The following ERBB4 variants were observed in gnomAD, a reference collection of about 807,000 sequenced individuals.
ERBB4 encodes the protein erb-b2 receptor tyrosine kinase 4, also known as receptor tyrosine-protein kinase erbB-4.
Under a neutral mutation model 158.0 loss-of-function variants are expected in ERBB4, and 42 were observed. That is an observed-to-expected ratio of 0.27 (90% CI 0.21 to 0.34). The LOEUF (loss-of-function observed/expected upper bound fraction) is 0.34, where lower values mean the gene tolerates loss of function less well. Among genes scored for constraint, ERBB4 ranks in the 10% least tolerant of loss-of-function variants. ERBB4 has a pLI of 1.00. For missense variants in ERBB4, 1,333 were observed against 1,624.1 expected (o/e 0.82, Z 3.08); for synonymous variants, 583 against 558.7 (o/e 1.04, Z -0.61).
rs73075174 is a variant in ERBB4 at position 211,557,490 on chromosome 2, G to A, written c.2487+4413C>T. Among the ~76,000 whole-genome samples the A allele has an allele frequency of 6.1e-3, 922 of 152,146 alleles. 6 individuals carry two copies. Among genetic ancestry groups the A allele is most frequent in the African/African-American group, 0.021 (860 of 41,502 alleles). ...ACACTTTTCAAAAGAAGTCGTACAC[G>A]CAACCAGCAAGCATATGAAAAAAAG... On this transcript the variant is annotated intron_variant, in intron 20 of 27. Coordinates refer to ENST00000342788, the MANE Select transcript of ERBB4 (RefSeq NM_005235.3).
intron 1 of ERBB4, among the ~76,000 whole-genome samples, chr2:212,494,440 T>A (rs1027545995): frequency 6.6e-6 from 1 of 152,020 alleles, no homozygotes; most frequent in Non-Finnish European, 1.5e-5. Flanking sequence ...TGAATACATT[T>A]TTTTTCTTAC....
chr2:211,438,935 G>A (rs1035783547), intron 20 of ERBB4, among the ~76,000 whole-genome samples: 1 of 151,702 alleles, frequency 6.6e-6, no homozygotes, highest in Non-Finnish European at 1.5e-5. Flanking sequence ...AAAAATTATT[G>A]TTTGCTATTT....
intron 1 of ERBB4, among the ~76,000 whole-genome samples, chr2:212,223,356 G>C (rs193106568): frequency 6.9e-6 from 1 of 145,532 alleles, no homozygotes; most frequent in Non-Finnish European, 1.5e-5. Context: ...ATATAAAATT[G>C]TCTTTTCAGC....
At chr2:211,424,902 C>A (rs1395805474) in intron 22 of ERBB4, among the ~76,000 whole-genome samples, 1 of 152,032 alleles carries the variant, frequency 6.6e-6, no homozygotes, top group African/African-American at 2.4e-5. Context: ...GTGAAGTAGT[C>A]ACCAACAAAA....
At chr2:212,388,288 A>G (rs2090744614) in intron 1 of ERBB4, among the ~76,000 whole-genome samples, 1 of 152,182 alleles carries the variant, frequency 6.6e-6, no homozygotes, top group South Asian at 2.1e-4. Context: ...TTTGAAATAG[A>G]TAAAATGGAT....
rs564063722 is a variant in ERBB4 at position 211,380,728 on chromosome 2, A to G, written c.*2887T>C. ...AAGAATTATAAAGTGGTGCTATTAT[A>G]AAGCATTTGGGTCATTTTGGATTAT... On this transcript the variant is annotated 3_prime_UTR_variant, in exon 28 of 28. Coordinates refer to ENST00000342788, the MANE Select transcript of ERBB4 (RefSeq NM_005235.3). 1.7e-5 allele frequency: 4 copies of G among 232,092 alleles called. No homozygotes were observed. The South Asian group carries it at 7.2e-4, about 42-fold the overall frequency. 14.4% of individuals were successfully genotyped at this position (232,092 alleles called of 1,614,324 possible). A position where few individuals can be genotyped will look rare whatever the true frequency, so the allele number is the denominator to read the frequency against.
chr2:211,553,335 T>C (rs1440325245), intron 20 of ERBB4, among the ~76,000 whole-genome samples: 9 of 152,112 alleles, frequency 5.9e-5, no homozygotes. Flanking sequence ...TAGGAACCTG[T>C]GTAGGAAAGC....
chr2:211,559,121 T>C (rs2067316635), intron 20 of ERBB4, among the ~76,000 whole-genome samples: 1 of 152,112 alleles, frequency 6.6e-6, no homozygotes, highest in African/African-American at 2.4e-5. Flanking sequence ...CCTCAGGAAA[T>C]GATCTCACCG....
At chr2:212,391,904 C>T (rs2090885650) in intron 1 of ERBB4, among the ~76,000 whole-genome samples, 1 of 149,614 alleles carries the variant, frequency 6.7e-6, no homozygotes, top group Non-Finnish European at 1.5e-5. Context: ...AAACAAGACT[C>T]CCCAAAATTG....
chr2:212,209,485 T>C (rs1351954240), intron 1 of ERBB4, among the ~76,000 whole-genome samples: 1 of 152,116 alleles, frequency 6.6e-6, no homozygotes, highest in East Asian at 1.9e-4. Flanking sequence ...TGGGTACATT[T>C]TGCTCGTCTA....
intron 1 of ERBB4, among the ~76,000 whole-genome samples, chr2:212,412,906 C>T (rs908026962): frequency 6.6e-6 from 1 of 152,092 alleles, no homozygotes; most frequent in Non-Finnish European, 1.5e-5. Flanking sequence ...GCCTGATGAA[C>T]AGAATAATTC....
chr2:212,212,596 ACCCCTATAG>A (rs2082971570), intron 1 of ERBB4, among the ~76,000 whole-genome samples: 1 of 151,934 alleles, frequency 6.6e-6, no homozygotes, highest in Admixed American at 6.6e-5. Context: ...TCAAAGAAAG[ACCCCTATAG>A]CCAAGACAAT....
chr2:212,074,178 A>T (rs10165446), intron 2 of ERBB4, among the ~76,000 whole-genome samples: 6 of 151,860 alleles, frequency 4.0e-5, no homozygotes, highest in South Asian at 4.1e-4. Flanking sequence ...GTAGCCAATA[A>T]GAACTCTGTA....
chr2:211,575,815 C>G (rs1164342241), intron 19 of ERBB4, among the ~76,000 whole-genome samples: 1 of 152,098 alleles, frequency 6.6e-6, no homozygotes, highest in African/African-American at 2.4e-5. Context: ...CAGTGAGTGA[C>G]TTTAATTAAG....
rs557625812 is a variant in ERBB4, at chr2:212,412,135, G to A, written c.82+126314C>T. Among the ~76,000 whole-genome samples, 3 of 152,314 alleles carry A rather than the reference G, an allele frequency of 2.0e-5. No homozygotes were observed. The East Asian group carries it at 5.8e-4, about 29-fold the overall frequency. On this transcript the variant is annotated intron_variant, in intron 1 of 27. Transcript: ENST00000342788. ...CCACACCCATTCCCTTCTTGAGGGT[G>A]TGAGAATAGAAATCAAAGCTTACAA...
intron 1 of ERBB4, among the ~76,000 whole-genome samples, chr2:212,219,270 A>T (rs1429559531): frequency 6.6e-6 from 1 of 151,414 alleles, no homozygotes; most frequent in Non-Finnish European, 1.5e-5. Flanking sequence ...TCTGAAAAGT[A>T]TACACATATG....
chr2:211,609,464 T>A (rs1189581640), intron 19 of ERBB4, among the ~76,000 whole-genome samples: 1 of 152,214 alleles, frequency 6.6e-6, no homozygotes, highest in African/African-American at 2.4e-5. Flanking sequence ...CTGGCTATAC[T>A]TTTTTGAACC....
intron 25 of ERBB4, among the ~76,000 whole-genome samples, chr2:211,389,716 A>T (rs1335697535): frequency 6.6e-6 from 1 of 152,148 alleles, no homozygotes; most frequent in Admixed American, 6.5e-5. Context: ...TCCAATGATA[A>T]GTGGTGTGAA....
At chr2:212,388,726 A>G (rs565371608) in intron 1 of ERBB4, among the ~76,000 whole-genome samples, 3 of 152,248 alleles carry the variant, frequency 2.0e-5, no homozygotes, top group East Asian at 1.9e-4. Flanking sequence ...ATACATGTAC[A>G]TATACTCTTA....
Sources: allele counts gnomAD v4.1 joint callset (sites outside exome capture counted in the v4.1 genomes callset), GRCh38; gene constraint gnomAD v4.1.1; transcripts MANE v1.5; gene names NCBI Gene and HGNC (gene_info 2026-07-23, HGNC 2026-07-21).